The following PITPNC1 variants were observed in gnomAD, a reference collection of about 807,000 sequenced individuals.
The protein encoded by PITPNC1 is phosphatidylinositol transfer protein cytoplasmic 1, also known as cytoplasmic phosphatidylinositol transfer protein 1.
PITPNC1 carries 18 observed loss-of-function variants against 44.7 expected under a neutral mutation model. The ratio of observed to expected loss-of-function variants is 0.40; its 90% CI spans 0.28 to 0.60. PITPNC1 has a LOEUF of 0.60. Among genes scored for constraint, PITPNC1 ranks in the 20% least tolerant of loss-of-function variants. PITPNC1 has a pLI of 0.39. For missense variants in PITPNC1, 290 were observed against 418.4 expected (o/e 0.69, Z 2.68); for synonymous variants, 141 against 149.6 (o/e 0.94, Z 0.42).
chr17:67,400,321 C>T (rs993444485), intron 1 of PITPNC1, among the ~76,000 whole-genome samples: 1 of 152,160 alleles, frequency 6.6e-6, no homozygotes, highest in Non-Finnish European at 1.5e-5. Context: ...CATTCCAGCA[C>T]CCTGATGTTT....
At chr17:67,522,583 C>G (rs1421042429) in intron 1 of PITPNC1, among the ~76,000 whole-genome samples, 1 of 151,202 alleles carries the variant, frequency 6.6e-6, no homozygotes, top group Non-Finnish European at 1.5e-5. Flanking sequence ...ATGAGCCATA[C>G]TCACTGAAAA....
chr17:67,569,397 AC>A (rs2144209759), intron 4 of PITPNC1, among the ~76,000 whole-genome samples: 1 of 152,290 alleles, frequency 6.6e-6, no homozygotes, highest in East Asian at 1.9e-4. Flanking sequence ...TCTTGCAGAG[AC>A]CCAGAAACCT....
At chr17:67,428,499 C>T (rs570151148) in intron 1 of PITPNC1, among the ~76,000 whole-genome samples, 1 of 150,066 alleles carries the variant, frequency 6.7e-6, no homozygotes, top group East Asian at 1.9e-4. Context: ...CACTACTGCA[C>T]TTCAGCCTGG....
chr17:67,438,348 G>A (rs149264791), intron 1 of PITPNC1, among the ~76,000 whole-genome samples: 6 of 141,826 alleles, frequency 4.2e-5, no homozygotes, highest in South Asian at 2.2e-4. Flanking sequence ...ACAGAGTCTC[G>A]CTCTATCGCC....
intron 6 of PITPNC1, among the ~76,000 whole-genome samples, chr17:67,635,665 T>C (rs958433443): frequency 8.5e-5 from 13 of 152,102 alleles, no homozygotes; most frequent in African/African-American, 3.1e-4. Flanking sequence ...TGGCAGCATA[T>C]GGAGATCAGG....
intron 5 of PITPNC1, among the ~76,000 whole-genome samples, chr17:67,584,541 T>TA (rs944473535): frequency 2.3e-4 from 35 of 149,528 alleles, no homozygotes; most frequent in Admixed American, 5.3e-4. Flanking sequence ...TTTCTTTATT[T>TA]AAAAAAAAAA....
intron 5 of PITPNC1, among the ~76,000 whole-genome samples, chr17:67,601,616 A>G (rs973447591): frequency 6.6e-6 from 1 of 152,116 alleles, no homozygotes; most frequent in East Asian, 1.9e-4. Flanking sequence ...TTTGGCAAGC[A>G]TGGTGGTGCG....
chr17:67,398,939 G>A (rs546315065), intron 1 of PITPNC1, among the ~76,000 whole-genome samples: 1 of 151,472 alleles, frequency 6.6e-6, no homozygotes, highest in Admixed American at 6.6e-5. Flanking sequence ...TGCTTCAAAG[G>A]CCGAGTAACC....
intron 6 of PITPNC1, among the ~76,000 whole-genome samples, chr17:67,662,352 G>A (rs1034850949): frequency 2.0e-5 from 3 of 152,026 alleles, no homozygotes; most frequent in Non-Finnish European, 4.4e-5. Flanking sequence ...TACTTGGGAG[G>A]CTGAGGCAGA....
chr17:67,548,665 T>G (rs1489849044), intron 2 of PITPNC1, among the ~76,000 whole-genome samples: 1 of 152,196 alleles, frequency 6.6e-6, no homozygotes, highest in Non-Finnish European at 1.5e-5. Flanking sequence ...ACAAGGCATC[T>G]GGGGGAATAT....
rs182725571 is a variant in PITPNC1 at position 67,660,622 on chromosome 17, G to A, written c.463-8886G>A. Among the ~76,000 whole-genome samples the A allele has an allele frequency of 3.1e-3, 435 of 140,006 alleles. 5 individuals are homozygous for A. The highest frequency in any genetic ancestry group is 0.011 in the African/African-American group (408 of 37,640). 91.8% of individuals were successfully genotyped at this position (140,006 alleles called of 152,430 possible). On this transcript the variant is annotated intron_variant, in intron 6 of 8. Transcript: ENST00000581322. ...GTGCAGTGGCATGATCTCAGCTCACGGCAGCCTCTGCCTCTTGGATTCAAG... is the reference window on the plus strand; with the variant it reads ...GTGCAGTGGCATGATCTCAGCTCACAGCAGCCTCTGCCTCTTGGATTCAAG...
chr17:67,514,627 C>A (rs946375118), intron 1 of PITPNC1, among the ~76,000 whole-genome samples: 6 of 151,418 alleles, frequency 4.0e-5, no homozygotes, highest in Admixed American at 6.6e-5. Flanking sequence ...GAGTTCAAGA[C>A]CAGCCTGGCC....
intron 5 of PITPNC1, among the ~76,000 whole-genome samples, chr17:67,593,783 C>A (rs528535519): frequency 7.2e-5 from 11 of 152,086 alleles, no homozygotes; most frequent in Non-Finnish European, 1.5e-4. Flanking sequence ...AAACTCAAAC[C>A]TCTTTAATTC....
intron 4 of PITPNC1, among the ~76,000 whole-genome samples, chr17:67,558,348 A>G (rs2040865367): frequency 6.6e-6 from 1 of 152,134 alleles, no homozygotes; most frequent in African/African-American, 2.4e-5. Flanking sequence ...CAGAGGACAG[A>G]CCATTCAACC....
chr17:67,473,923 T>G (rs1568004904), intron 1 of PITPNC1, among the ~76,000 whole-genome samples: 1 of 152,240 alleles, frequency 6.6e-6, no homozygotes, highest in Non-Finnish European at 1.5e-5. Context: ...AATTCTTCTG[T>G]AAGGGAAATT....
intron 5 of PITPNC1, among the ~76,000 whole-genome samples, chr17:67,590,275 A>G (rs1394508384): frequency 6.6e-6 from 1 of 152,226 alleles, no homozygotes; most frequent in Non-Finnish European, 1.5e-5. Flanking sequence ...AAAAGAAATA[A>G]AATAGCCACA....
At chr17:67,456,455 T>G (rs2039255994) in intron 1 of PITPNC1, among the ~76,000 whole-genome samples, 1 of 152,226 alleles carries the variant, frequency 6.6e-6, no homozygotes, top group Admixed American at 6.5e-5. Context: ...ATTATTTGTC[T>G]TATTTCATGC....
intron 6 of PITPNC1, among the ~76,000 whole-genome samples, chr17:67,635,015 G>A (rs541547229): frequency 3.3e-5 from 5 of 152,216 alleles, no homozygotes; most frequent in East Asian, 3.9e-4. Context: ...CCCAGGAGGC[G>A]GTGGTTACAG....
intron 1 of PITPNC1, chr17:67,408,843 A>T (rs2038446215): frequency 6.6e-6 from 1 of 152,100 alleles, no homozygotes; most frequent in Admixed American, 6.6e-5. Flanking sequence ...ACTCAATGTG[A>T]ACAATCAATT....
Sources: allele counts gnomAD v4.1 joint callset (sites outside exome capture counted in the v4.1 genomes callset), GRCh38; gene constraint gnomAD v4.1.1; transcripts MANE v1.5; gene names NCBI Gene and HGNC (gene_info 2026-07-23, HGNC 2026-07-21).